VPS13B: variants seen among roughly 807,000 people sequenced by gnomAD.
The protein encoded by VPS13B is intermembrane lipid transfer protein VPS13B.
VPS13B carries 285 observed loss-of-function variants against 426.4 expected under a neutral mutation model. The observed-to-expected ratio is 0.67, with a 90% CI of 0.61 to 0.74. VPS13B has a LOEUF of 0.74. Ranked by LOEUF, VPS13B falls within the 30% of genes least tolerant of loss-of-function variation. The probability of loss-of-function intolerance (pLI) is 0.00; values close to 1 mark genes in which losing one functional copy is unlikely to be tolerated. For synonymous variants in VPS13B, 1,676 were observed against 1,676.4 expected (o/e 1.00, Z 0.01); for missense variants, 4,537 against 4,782.6 (o/e 0.95, Z 1.51).
chr8:99,196,553 C>T (rs1813944620), intron 17 of VPS13B, among the ~76,000 whole-genome samples: 1 of 150,876 alleles, frequency 6.6e-6, no homozygotes, highest in African/African-American at 2.4e-5. Context: ...CTGCAACCTC[C>T]ACCTCCTGGG....
chr8:99,652,260 C>A (rs924213691), intron 34 of VPS13B, among the ~76,000 whole-genome samples: 1 of 152,066 alleles, frequency 6.6e-6, no homozygotes, highest in South Asian at 2.1e-4. Context: ...TGACCTTAGG[C>A]AAGTTATTTA....
intron 6 of VPS13B, among the ~76,000 whole-genome samples, chr8:99,111,708 CTAATAG>C (rs1346587328): frequency 1.3e-5 from 2 of 152,190 alleles, no homozygotes; most frequent in Admixed American, 6.5e-5. Flanking sequence ...ATATACTAAC[CTAATAG>C]TTTATTGGTT....
chr8:99,117,114 C>A (rs1169398980), intron 7 of VPS13B, among the ~76,000 whole-genome samples: 1 of 152,028 alleles, frequency 6.6e-6, no homozygotes, highest in Non-Finnish European at 1.5e-5. Context: ...TGATTAATTT[C>A]CATAGATAAA....
In VPS13B at chr8:99,835,411, G is replaced by GA. The variant is rs540470184; in HGVS notation, c.9742+94dup. ...ATTTAGTAGTTACCTGTGATCCTGT[G>GA]AAAAAAATATTTAAATAAAAGCATT... On this transcript the variant is annotated intron_variant, in intron 53 of 61. Coordinates refer to ENST00000357162, the MANE Select transcript of VPS13B (RefSeq NM_152564.5). 2,449 of 1,508,292 alleles carry GA rather than the reference G, an allele frequency of 1.6e-3. 18 individuals carry two copies. The Middle Eastern group carries it at 0.032, about 20-fold the overall frequency. 93.4% of individuals were successfully genotyped at this position (1,508,292 alleles called of 1,614,324 possible). A position where few individuals can be genotyped will look rare whatever the true frequency, so the allele number is the denominator to read the frequency against.
At chr8:99,667,497 A>C (rs2129840637) in intron 35 of VPS13B, among the ~76,000 whole-genome samples, 1 of 152,310 alleles carries the variant, frequency 6.6e-6, no homozygotes, top group East Asian at 1.9e-4. Flanking sequence ...ATTTTAAACA[A>C]AAGTACTTTT....
chr8:99,544,618 T>A (rs995399291), intron 30 of VPS13B, among the ~76,000 whole-genome samples: 1 of 152,164 alleles, frequency 6.6e-6, no homozygotes, highest in Admixed American at 6.6e-5. Context: ...TACCTACCGC[T>A]TTTTGCTTAT....
chr8:99,404,525 A>C (rs1197294797), intron 21 of VPS13B, among the ~76,000 whole-genome samples: 1 of 152,190 alleles, frequency 6.6e-6, no homozygotes, highest in Non-Finnish European at 1.5e-5. Context: ...ATGCAGGTTT[A>C]TTTTGATGAA....
chr8:99,753,615 G>T (rs1288840506), intron 39 of VPS13B, among the ~76,000 whole-genome samples: 1 of 152,092 alleles, frequency 6.6e-6, no homozygotes, highest in Non-Finnish European at 1.5e-5. Context: ...TTACACACCT[G>T]CATTTGCTTG....
chr8:99,504,049 G>A (rs1056941749), intron 27 of VPS13B, among the ~76,000 whole-genome samples: 1 of 152,160 alleles, frequency 6.6e-6, no homozygotes, highest in Non-Finnish European at 1.5e-5. Flanking sequence ...GTTGGGCCTA[G>A]TGGGAGATAT....
intron 36 of VPS13B, 44 bp from the exon 37 acceptor site, chr8:99,717,127 T>C (rs1387062153): frequency 4.5e-6 from 7 of 1,540,894 alleles, no homozygotes; most frequent in Non-Finnish European, 6.3e-6. Context: ...AAACATTTTT[T>C]TTGATAAGGA....
chr8:99,755,723 C>T (rs916245981), intron 39 of VPS13B, among the ~76,000 whole-genome samples: 19 of 152,036 alleles, frequency 1.2e-4, no homozygotes, highest in East Asian at 3.9e-4. Flanking sequence ...GAGCCAAGAT[C>T]GTGCCACTGC....
intron 17 of VPS13B, among the ~76,000 whole-genome samples, chr8:99,269,666 T>C (rs1818475633): frequency 6.6e-6 from 1 of 152,218 alleles, no homozygotes; most frequent in Admixed American, 6.5e-5. Context: ...TCTTTTTGTT[T>C]CACCACATTG....
intron 21 of VPS13B, among the ~76,000 whole-genome samples, chr8:99,393,875 A>G (rs1814588357): frequency 6.6e-6 from 1 of 152,148 alleles, no homozygotes; most frequent in Non-Finnish European, 1.5e-5. Flanking sequence ...TAATTAAAGG[A>G]TACAGTCTTC....
intron 31 of VPS13B, among the ~76,000 whole-genome samples, chr8:99,561,385 G>A (rs1307392376): frequency 6.6e-6 from 1 of 152,102 alleles, no homozygotes; most frequent in Non-Finnish European, 1.5e-5. Flanking sequence ...GCATATATCA[G>A]TATTTCAATC....
chr8:99,674,095 C>T (rs1241904794), intron 35 of VPS13B, among the ~76,000 whole-genome samples: 3 of 152,028 alleles, frequency 2.0e-5, no homozygotes, highest in Non-Finnish European at 4.4e-5. Flanking sequence ...ATATGTTTGT[C>T]AGGTTCAAAT....
chr8:99,772,013 TTTC>T, intron 40 of VPS13B, among the ~76,000 whole-genome samples: 1 of 152,346 alleles, frequency 6.6e-6, no homozygotes, highest in Non-Finnish European at 1.5e-5. Context: ...CCTTTGCTAT[TTTC>T]TTTTAGGTGG....
At position 99,547,534 on chromosome 8, in the gene VPS13B, CAGTGAGT is replaced by C. The variant is rs567186482; in HGVS notation, c.4746-8912_4746-8906del. Among the ~76,000 whole-genome samples, 47 of 152,084 alleles carry C rather than the reference CAGTGAGT, an allele frequency of 3.1e-4. No individual in the cohort carries two copies. In the East Asian group the frequency reaches 9.1e-3, roughly 29 times the overall value. On this transcript the variant is annotated intron_variant, in intron 30 of 61. Coordinates refer to ENST00000357162, the MANE Select transcript of VPS13B (RefSeq NM_152564.5). ...GAATTCCCGAGATATGCCTATTCAG[CAGTGAGT>C]AGTAAATGGTTCAACATGAGCTGTT... is the stretch of plus-strand genomic sequence containing the variant.
At chr8:99,095,700 T>C (rs1395721651) in intron 3 of VPS13B, among the ~76,000 whole-genome samples, 1 of 152,190 alleles carries the variant, frequency 6.6e-6, no homozygotes, top group Non-Finnish European at 1.5e-5. Flanking sequence ...AAAAAAGTAC[T>C]CATTTGCAGT....
chr8:99,353,615 A>AG (rs1812020678), intron 19 of VPS13B, among the ~76,000 whole-genome samples: 1 of 152,038 alleles, frequency 6.6e-6, no homozygotes, highest in South Asian at 2.1e-4. Context: ...AAAAAAAAAA[A>AG]AAACAACAGA....
Sources: allele counts gnomAD v4.1 joint callset (sites outside exome capture counted in the v4.1 genomes callset), GRCh38; gene constraint gnomAD v4.1.1; transcripts MANE v1.5; gene names NCBI Gene and HGNC (gene_info 2026-07-23, HGNC 2026-07-21).